PCLO: variants seen among roughly 807,000 people sequenced by gnomAD.
PCLO encodes protein piccolo.
A neutral mutation model predicts 427.5 loss-of-function variants in PCLO; 82 were observed. The observed-to-expected ratio is 0.19, with a 90% CI of 0.16 to 0.23. PCLO has a LOEUF of 0.23. Ranked by LOEUF, PCLO falls within the 10% of genes least tolerant of loss-of-function variation. The pLI is 1.00. For synonymous variants in PCLO, 2,357 were observed against 2,155.4 expected, an observed-to-expected ratio of 1.09 and a Z score of -2.59; for missense variants, 6,239 against 6,115.9, an observed-to-expected ratio of 1.02 and a Z score of -0.67.
At chr7:82,779,342 T>A (rs1790821000) in intron 22 of PCLO, among the ~76,000 whole-genome samples, 1 of 152,158 alleles carries the variant, frequency 6.6e-6, no homozygotes, top group Admixed American at 6.5e-5. Flanking sequence ...ATAATATGTA[T>A]CTTTTCATCC....
At chr7:83,001,505 A>AAC (rs3035080) in intron 3 of PCLO, among the ~76,000 whole-genome samples, 6,181 of 148,812 alleles carry the variant, frequency 0.042, 352 homozygotes, top group African/African-American at 0.13. Flanking sequence ...CACACATACA[A>AAC]ACACACACAC....
At chr7:82,847,606 T>A (rs1792538990) in intron 10 of PCLO, among the ~76,000 whole-genome samples, 1 of 152,136 alleles carries the variant, frequency 6.6e-6, no homozygotes, top group Admixed American at 6.6e-5. Context: ...GAAACCCCAA[T>A]ATAATTTTCC....
At chr7:83,055,179 C>T (rs1474318112) in intron 3 of PCLO, among the ~76,000 whole-genome samples, 1 of 152,166 alleles carries the variant, frequency 6.6e-6, no homozygotes, top group South Asian at 2.1e-4. Context: ...AATCCCAAAA[C>T]AAATTCAAAC....
Position 82,966,234 on chromosome 7 carries a change from A to T in PCLO, c.3554T>A (p.Ile1185Asn). The change falls in exon 4 of 25, where the codon ATT becomes AAT. Residue 1185 changes from isoleucine to asparagine, a missense_variant. Ile to Asn is a moderately radical substitution (Grantham distance 149, BLOSUM62 -3). This residue lies in a region of PCLO where 4,677 missense variants were observed against 4,468.4 expected (regional missense o/e 1.05). Transcript: ENST00000333891. ...TTGATCTGTGGTTACCATAGGAGGA[A>T]TTTTTTCCATTGATAGTGTTTCCTT... is the stretch of plus-strand genomic sequence containing the variant. ...KVKETLSMEK[I>N]PPMVTTDQKQ... The T allele has an allele frequency of 1.2e-6, 2 of 1,610,430 alleles. No individual in the cohort carries two copies. Among genetic ancestry groups the T allele is most frequent in the Middle Eastern group, 1.7e-4 (1 of 6,034 alleles).
chr7:82,994,346 T>C (rs767735660), intron 3 of PCLO, among the ~76,000 whole-genome samples: 16 of 151,866 alleles, frequency 1.1e-4, no homozygotes, highest in Non-Finnish European at 1.9e-4. Flanking sequence ...CTCTGTGTTA[T>C]GGAAAGGGAG....
rs766357556 is a variant in PCLO, at chr7:82,954,243, A to C, written c.6710T>G (p.Ile2237Arg). Residue 2237 changes from isoleucine to arginine, a missense_variant, in exon 5 of 25, where the codon ATA becomes AGA. Physicochemically the swap from Ile to Arg is moderately conservative, Grantham distance 97. Transcript: ENST00000333891. ...TACACTTATTTCTTCTGGATAGTCT[A>C]TAATGCTGCCTGGAAAATAAGTTGA... ...SSSTYFPGSI[I>R]DYPEEISVSL... 1 of 1,613,796 alleles carries C rather than the reference A, an allele frequency of 6.2e-7. No homozygotes were observed. The highest frequency in any genetic ancestry group is 2.2e-5 in the East Asian group (1 of 44,838).
chr7:82,868,016 T>C lies in PCLO; in HGVS notation c.13654+11321A>G, dbSNP rs538504739. ...CTAAATATATATTAGAAAATCTTCA[T>C]ATCAACATGATATGTGGTCTGTGTC... On this transcript the variant is annotated intron_variant, in intron 10 of 24. Transcript: ENST00000333891. The C allele has an allele frequency of 3.9e-4, 150 of 384,376 alleles. 1 individual carries two copies. Among genetic ancestry groups the C allele is most frequent in the Non-Finnish European group, 5.7e-4 (112 of 196,972 alleles). 23.8% of individuals were successfully genotyped at this position (384,376 alleles called of 1,614,324 possible).
At chr7:83,116,442 T>G (rs1485278570) in intron 3 of PCLO, among the ~76,000 whole-genome samples, 1 of 152,176 alleles carries the variant, frequency 6.6e-6, no homozygotes, top group Admixed American at 6.5e-5. Context: ...TTCCTACTGT[T>G]TCTTTTGTTC....
At position 82,950,819 on chromosome 7, in the gene PCLO, A is replaced by G. The variant is rs1795323609; in HGVS notation, c.9769T>C (p.Leu3257=). The G allele has an allele frequency of 1.9e-6, 3 of 1,613,638 alleles. No homozygotes were observed. Among genetic ancestry groups the G allele is most frequent in the Non-Finnish European group, 2.5e-6 (3 of 1,179,842 alleles). The change falls in exon 6 of 25, where the codon TTG becomes CTG. Residue 3257 remains leucine, a synonymous_variant. Coordinates refer to ENST00000333891, the MANE Select transcript of PCLO (RefSeq NM_033026.6). ...TGCTTCATAGACTGCAGCTCCTCCAACTTTTTCTGAACCATGATCTTTTCT... is the reference window on the plus strand; with the variant it reads ...TGCTTCATAGACTGCAGCTCCTCCAGCTTTTTCTGAACCATGATCTTTTCT... ...EQEKIMVQKK[L]EELQSMKQHL...
chr7:83,086,038 G>T (rs990549659), intron 3 of PCLO, among the ~76,000 whole-genome samples: 2 of 152,116 alleles, frequency 1.3e-5, no homozygotes, highest in African/African-American at 4.8e-5. Flanking sequence ...AACTAATGAT[G>T]GGATAACAGG....
intron 2 of PCLO, among the ~76,000 whole-genome samples, chr7:83,139,087 C>T (rs1791800605): frequency 6.6e-6 from 1 of 151,858 alleles, no homozygotes; most frequent in Non-Finnish European, 1.5e-5. Flanking sequence ...GAATTAAAGC[C>T]TCGTCATATT....
intron 3 of PCLO, among the ~76,000 whole-genome samples, chr7:83,073,555 T>C (rs1789871065): frequency 6.6e-6 from 1 of 151,996 alleles, no homozygotes; most frequent in Non-Finnish European, 1.5e-5. Flanking sequence ...GCAGCTTCAA[T>C]TACCAAGAAA....
chr7:82,986,571 A>G (rs931252755), intron 3 of PCLO, among the ~76,000 whole-genome samples: 2 of 152,052 alleles, frequency 1.3e-5, no homozygotes, highest in East Asian at 1.9e-4. Flanking sequence ...TTGTATTATT[A>G]GTATTAAGAG....
At chr7:82,827,812 T>C (rs751055494) in intron 17 of PCLO, 61 bp downstream of exon 17, 66 of 924,082 alleles carry the variant, frequency 7.1e-5, no homozygotes, top group Non-Finnish European at 9.9e-5. Context: ...TTTTGAATAA[T>C]TGTGTTATCA....
intron 22 of PCLO, among the ~76,000 whole-genome samples, chr7:82,774,644 T>C (rs1270881194): frequency 2.6e-5 from 4 of 152,218 alleles, no homozygotes; most frequent in African/African-American, 9.6e-5. Flanking sequence ...AGAGATCTCC[T>C]GTATACACCC....
chr7:82,763,272 C>T (rs1232424872), intron 22 of PCLO, among the ~76,000 whole-genome samples: 1 of 151,952 alleles, frequency 6.6e-6, no homozygotes, highest in Non-Finnish European at 1.5e-5. Context: ...GAAATAAGTC[C>T]CTAGCACTTT....
chr7:82,938,312 T>G (rs1348355272), intron 6 of PCLO, among the ~76,000 whole-genome samples: 1 of 151,980 alleles, frequency 6.6e-6, no homozygotes, highest in Non-Finnish European at 1.5e-5. Context: ...TTTCTAAGTT[T>G]TTCCATGTTT....
At chr7:83,009,624 G>A (rs947793382) in intron 3 of PCLO, among the ~76,000 whole-genome samples, 3 of 151,698 alleles carry the variant, frequency 2.0e-5, no homozygotes, top group Non-Finnish European at 3.0e-5. Context: ...TACAAAGCTC[G>A]TATCAAATTG....
chr7:83,145,115 ATTTGGCTCTC>A (rs1791960961), intron 2 of PCLO, among the ~76,000 whole-genome samples: 1 of 152,168 alleles, frequency 6.6e-6, no homozygotes, highest in African/African-American at 2.4e-5. Flanking sequence ...ATTGCTAAGC[ATTTGGCTCTC>A]TTTTTAGACT....
Sources: allele counts gnomAD v4.1 joint callset (sites outside exome capture counted in the v4.1 genomes callset), GRCh38; gene constraint gnomAD v4.1.1; regional missense constraint gnomAD v4.1.1; transcripts MANE v1.5; gene names NCBI Gene and HGNC (gene_info 2026-07-23, HGNC 2026-07-21).